ADGRL4: variants seen among roughly 807,000 people sequenced by gnomAD.
ADGRL4 encodes EGF, latrophilin and seven transmembrane domain containing 1.
In ADGRL4, 90 loss-of-function variants were observed where a neutral mutation model predicts 74.8. The ratio of observed to expected loss-of-function variants is 1.20; its 90% confidence interval spans 1.02 to 1.43. The LOEUF (loss-of-function observed/expected upper bound fraction) is 1.43. Ranked by LOEUF, ADGRL4 falls within the 40% of genes most tolerant of loss-of-function variation. The pLI is 0.00. For synonymous variants in ADGRL4, 311 were observed against 279.2 expected (o/e 1.11, Z -1.14); for missense variants, 881 against 814.3 (o/e 1.08, Z -1.00).
At chr1:78,994,317 A>C (rs999225282) in intron 2 of ADGRL4, among the ~76,000 whole-genome samples, 1 of 152,164 alleles carries the variant, frequency 6.6e-6, no homozygotes, top group African/African-American at 2.4e-5. Flanking sequence ...AGCCTTATAC[A>C]ACATATAACA....
intron 2 of ADGRL4, among the ~76,000 whole-genome samples, chr1:78,960,706 A>C (rs1385164252): frequency 6.6e-6 from 1 of 152,166 alleles, no homozygotes; most frequent in Non-Finnish European, 1.5e-5. Context: ...GGTATTAGGA[A>C]TTAGGAACTT....
intron 12 of ADGRL4, among the ~76,000 whole-genome samples, chr1:78,905,108 T>G (rs1553133261): frequency 6.6e-6 from 1 of 152,042 alleles, no homozygotes; most frequent in Non-Finnish European, 1.5e-5. Flanking sequence ...GTTCTTAATA[T>G]AGAGGAGGGA....
At chr1:78,946,481 CT>C in intron 2 of ADGRL4, 55 bp from the exon 3 acceptor site, 1 of 1,446,472 alleles carries the variant, frequency 6.9e-7, no homozygotes, top group Non-Finnish European at 9.4e-7. Flanking sequence ...TAAATTTTGA[CT>C]ATTTTCCATC....
chr1:78,970,000 A>G (rs1349735913), intron 2 of ADGRL4, among the ~76,000 whole-genome samples: 1 of 152,146 alleles, frequency 6.6e-6, no homozygotes, highest in Non-Finnish European at 1.5e-5. Context: ...TTTTTGGGAA[A>G]GTAAAACCAA....
chr1:78,956,948 C>T (rs181569039), intron 2 of ADGRL4, among the ~76,000 whole-genome samples: 4 of 152,104 alleles, frequency 2.6e-5, no homozygotes, highest in African/African-American at 4.8e-5. Flanking sequence ...TCCAAAAGCA[C>T]GCGCTCACTT....
At chr1:78,928,984 T>A (rs1371973796) in intron 7 of ADGRL4, among the ~76,000 whole-genome samples, 3 of 151,554 alleles carry the variant, frequency 2.0e-5, no homozygotes, top group African/African-American at 7.3e-5. Flanking sequence ...GCTTTATTGC[T>A]ACTTTAACTT....
intron 2 of ADGRL4, among the ~76,000 whole-genome samples, chr1:78,998,655 C>T (rs914990038): frequency 1.3e-5 from 2 of 152,030 alleles, no homozygotes; most frequent in African/African-American, 2.4e-5. Context: ...CGTCAGCCAC[C>T]GCACCCAGCC....
intron 12 of ADGRL4, among the ~76,000 whole-genome samples, chr1:78,896,924 C>A (rs1272822495): frequency 6.6e-6 from 1 of 152,154 alleles, no homozygotes; most frequent in Non-Finnish European, 1.5e-5. Context: ...TCCAGTACCC[C>A]ATGCACCATG....
At chr1:78,966,035 T>C (rs1250405391) in intron 2 of ADGRL4, among the ~76,000 whole-genome samples, 1 of 151,338 alleles carries the variant, frequency 6.6e-6, no homozygotes, top group African/African-American at 2.4e-5. Flanking sequence ...CCAAAGCTGT[T>C]TGAAATTTTG....
At chr1:78,953,188 TTCAAACTA>T (rs2100701195) in intron 2 of ADGRL4, among the ~76,000 whole-genome samples, 1 of 152,326 alleles carries the variant, frequency 6.6e-6, no homozygotes, top group East Asian at 1.9e-4. Flanking sequence ...ACACATTTTT[TTCAAACTA>T]TCAAAGACTC....
At chr1:78,946,471 T>G in intron 2 of ADGRL4, 45 bp from the exon 3 acceptor site, 2 of 1,493,350 alleles carry the variant, frequency 1.3e-6, no homozygotes. Flanking sequence ...ATAATTGACA[T>G]AAATTTTGAC....
intron 2 of ADGRL4, among the ~76,000 whole-genome samples, chr1:78,994,102 A>G (rs766399820): frequency 4.6e-5 from 7 of 152,192 alleles, no homozygotes; most frequent in Non-Finnish European, 1.0e-4. Context: ...CACAAAAGCA[A>G]TAAATAAGTC....
intron 2 of ADGRL4, among the ~76,000 whole-genome samples, chr1:78,959,492 A>G (rs892579085): frequency 6.6e-6 from 1 of 152,164 alleles, no homozygotes; most frequent in Non-Finnish European, 1.5e-5. Flanking sequence ...TGAAATAGCA[A>G]AAACACATTC....
intron 2 of ADGRL4, among the ~76,000 whole-genome samples, chr1:78,982,818 T>G (rs2100727564): frequency 6.6e-6 from 1 of 151,798 alleles, no homozygotes; most frequent in Middle Eastern, 3.4e-3. Context: ...GGGGCTTTGG[T>G]TTCTAAGGGT....
intron 9 of ADGRL4, 143 bp downstream of exon 9, chr1:78,921,470 T>C (rs923731567): frequency 2.3e-6 from 1 of 430,012 alleles, no homozygotes; most frequent in Non-Finnish European, 4.1e-6. Flanking sequence ...GAAAGAAAGA[T>C]CCTGTTGGGG....
intron 12 of ADGRL4, among the ~76,000 whole-genome samples, chr1:78,899,089 GAA>G (rs1471161721): frequency 6.6e-6 from 1 of 152,052 alleles, no homozygotes; most frequent in Non-Finnish European, 1.5e-5. Context: ...CGAAAAAAAT[GAA>G]AAGATTTCTC....
intron 3 of ADGRL4, among the ~76,000 whole-genome samples, chr1:78,940,147 C>T (rs1466053128): frequency 6.6e-6 from 1 of 152,090 alleles, no homozygotes; most frequent in Non-Finnish European, 1.5e-5. Flanking sequence ...CACATTTAAA[C>T]TTATTTGTTT....
intron 12 of ADGRL4, among the ~76,000 whole-genome samples, chr1:78,898,865 AT>A (rs1648455625): frequency 6.6e-6 from 1 of 152,132 alleles, no homozygotes; most frequent in Non-Finnish European, 1.5e-5. Context: ...GTGTGTTAAA[AT>A]TTTTTAAGTG....
intron 12 of ADGRL4, among the ~76,000 whole-genome samples, chr1:78,893,831 G>A (rs1648339405): frequency 2.0e-5 from 3 of 151,742 alleles, no homozygotes; most frequent in African/African-American, 7.2e-5. Context: ...TTGTAATATG[G>A]GCTAAATAGA....
Sources: allele counts gnomAD v4.1 joint callset (sites outside exome capture counted in the v4.1 genomes callset), GRCh38; gene constraint gnomAD v4.1.1; transcripts MANE v1.5; gene names NCBI Gene and HGNC (gene_info 2026-07-23, HGNC 2026-07-21).